The following LRRC3B variants were observed in gnomAD, a reference collection of about 807,000 sequenced individuals.
LRRC3B encodes leucine-rich repeat-containing protein 3B.
A neutral mutation model predicts 12.8 loss-of-function variants in LRRC3B; 2 were observed. The ratio of observed to expected loss-of-function variants is 0.16; its 90% CI spans 0.06 to 0.49. LRRC3B has a LOEUF of 0.49. Ranked by LOEUF, LRRC3B falls within the 20% of genes least tolerant of loss-of-function variation. The pLI is 0.96. For synonymous variants in LRRC3B, 132 were observed against 122.0 expected (o/e 1.08, Z -0.54); for missense variants, 189 against 319.4 (o/e 0.59, Z 3.11).
chr3:26,640,345 G>T (rs1286439911), intron 1 of LRRC3B, among the ~76,000 whole-genome samples: 1 of 151,168 alleles, frequency 6.6e-6, no homozygotes, highest in Admixed American at 6.6e-5. Context: ...ATGAAAGCAT[G>T]GCACTAGGAA....
At chr3:26,703,721 C>T (rs1048202138) in intron 1 of LRRC3B, among the ~76,000 whole-genome samples, 4 of 151,078 alleles carry the variant, frequency 2.6e-5, no homozygotes, top group Non-Finnish European at 5.9e-5. Flanking sequence ...GCAGATTGTG[C>T]GTCAGAGATC....
chr3:26,710,453 T>G, exon 2 of LRRC3B: 1 of 1,556,900 alleles, frequency 6.4e-7, no homozygotes, highest in Non-Finnish European at 8.7e-7. Flanking sequence ...TGTGGTATAG[T>G]GTCCAAACTG....
chr3:26,659,386 T>G (rs1251582488), intron 1 of LRRC3B, among the ~76,000 whole-genome samples: 2 of 152,152 alleles, frequency 1.3e-5, no homozygotes, highest in Non-Finnish European at 2.9e-5. Flanking sequence ...TCCTTTCATC[T>G]CTCCAACCCA....
intron 1 of LRRC3B, among the ~76,000 whole-genome samples, chr3:26,668,191 A>G (rs1030940413): frequency 1.3e-5 from 2 of 152,112 alleles, no homozygotes; most frequent in Non-Finnish European, 2.9e-5. Context: ...CCCTGTTGAA[A>G]CAATCAGAGA....
exon 2 of LRRC3B, chr3:26,709,682 G>T (rs1179017514): frequency 6.2e-7 from 1 of 1,613,570 alleles, no homozygotes; most frequent in Admixed American, 1.7e-5. Flanking sequence ...CATGAATCTG[G>T]TAGACCTGTG....
At chr3:26,690,250 G>GT (rs1700163775) in intron 1 of LRRC3B, among the ~76,000 whole-genome samples, 1 of 152,130 alleles carries the variant, frequency 6.6e-6, no homozygotes, top group Non-Finnish European at 1.5e-5. Context: ...GATTGTGCAC[G>GT]TATCTAAAGA....
At chr3:26,665,318 C>A (rs1468149743) in intron 1 of LRRC3B, among the ~76,000 whole-genome samples, 3 of 152,094 alleles carry the variant, frequency 2.0e-5, no homozygotes, top group Non-Finnish European at 4.4e-5. Flanking sequence ...TCAAACTTCA[C>A]TTTGCTTGAT....
At chr3:26,678,279 A>G (rs533257378) in intron 1 of LRRC3B, among the ~76,000 whole-genome samples, 1 of 152,090 alleles carries the variant, frequency 6.6e-6, no homozygotes, top group Non-Finnish European at 1.5e-5. Context: ...GGATCACATG[A>G]GACCAGGAGT....
intron 1 of LRRC3B, among the ~76,000 whole-genome samples, chr3:26,637,838 T>C (rs1361787670): frequency 6.6e-6 from 1 of 152,242 alleles, no homozygotes; most frequent in Non-Finnish European, 1.5e-5. Flanking sequence ...CATCACCCAA[T>C]GTGTCATCAA....
intron 1 of LRRC3B, among the ~76,000 whole-genome samples, chr3:26,646,487 CT>C (rs887865842): frequency 6.6e-6 from 1 of 151,730 alleles, no homozygotes; most frequent in Non-Finnish European, 1.5e-5. Context: ...TTGCAGTCAC[CT>C]TTTCAGTTTC....
chr3:26,697,971 G>A (rs148832498), intron 1 of LRRC3B, among the ~76,000 whole-genome samples: 2 of 152,170 alleles, frequency 1.3e-5, no homozygotes, highest in Admixed American at 6.5e-5. Context: ...GTCTCTGAAC[G>A]TGGATCCCTC....
At chr3:26,668,537 C>T (rs1462594768) in intron 1 of LRRC3B, among the ~76,000 whole-genome samples, 2 of 152,034 alleles carry the variant, frequency 1.3e-5, no homozygotes, top group Admixed American at 1.3e-4. Flanking sequence ...GGAATAGGTC[C>T]CCCAGGAACA....
chr3:26,631,758 A>G (rs1417258924), intron 1 of LRRC3B, among the ~76,000 whole-genome samples: 1 of 151,218 alleles, frequency 6.6e-6, no homozygotes, highest in Non-Finnish European at 1.5e-5. Flanking sequence ...GAACCAGGCA[A>G]CCTAGTTCTA....
intron 1 of LRRC3B, among the ~76,000 whole-genome samples, chr3:26,669,401 G>T (rs536693342): frequency 6.6e-6 from 1 of 152,098 alleles, no homozygotes; most frequent in African/African-American, 2.4e-5. Context: ...TCCATAATTG[G>T]ATTAACAAAT....
At chr3:26,626,791 C>CA in intron 1 of LRRC3B, among the ~76,000 whole-genome samples, 1 of 152,108 alleles carries the variant, frequency 6.6e-6, no homozygotes, top group Non-Finnish European at 1.5e-5. Flanking sequence ...TTCAAATCAA[C>CA]AAAAATTAAC....
chr3:26,698,067 T>C lies in LRRC3B; in HGVS notation c.-160-11446T>C, dbSNP rs145561513. Among the ~76,000 whole-genome samples the C allele has an allele frequency of 5.0e-3, 762 of 152,278 alleles. 6 individuals are homozygous for C. Among genetic ancestry groups the C allele is most frequent in the Non-Finnish European group, 8.6e-3 (585 of 68,012 alleles). ...AGCAGAGAGAAGACAAGGTGTAAGATGGTGAAGGCTCCACATTGTCATAGC... is the reference window on the plus strand; with the variant it reads ...AGCAGAGAGAAGACAAGGTGTAAGACGGTGAAGGCTCCACATTGTCATAGC... On this transcript the variant is annotated intron_variant, in intron 1 of 1. Coordinates refer to ENST00000396641, the Ensembl canonical transcript of LRRC3B.
At chr3:26,690,490 C>G (rs1289331717) in intron 1 of LRRC3B, among the ~76,000 whole-genome samples, 1 of 152,120 alleles carries the variant, frequency 6.6e-6, no homozygotes, top group East Asian at 1.9e-4. Flanking sequence ...ATCGTGCAGA[C>G]AATTAAATGG....
intron 1 of LRRC3B, among the ~76,000 whole-genome samples, chr3:26,704,958 A>C (rs1700549347): frequency 6.6e-6 from 1 of 152,182 alleles, no homozygotes; most frequent in African/African-American, 2.4e-5. Context: ...GTTTAGTAAT[A>C]GAGTTGCATA....
intron 1 of LRRC3B, among the ~76,000 whole-genome samples, chr3:26,637,693 G>A (rs2125405578): frequency 6.6e-6 from 1 of 152,266 alleles, no homozygotes; most frequent in South Asian, 2.1e-4. Flanking sequence ...GGGCAGTCTG[G>A]TGAAACCTAT....
Sources: gnomAD v4.1 joint callset for allele counts (sites outside exome capture counted in the v4.1 genomes callset) on GRCh38, gnomAD v4.1.1 for gene constraint, MANE v1.5 for transcripts, NCBI Gene and HGNC (gene_info 2026-07-23, HGNC 2026-07-21) for gene names.